Variants in VEZT observed in about 807,000 individuals in gnomAD.
VEZT encodes the protein vezatin, adherens junctions transmembrane protein.
Under a neutral mutation model 79.9 loss-of-function variants are expected in VEZT, and 39 were observed. The observed-to-expected ratio is 0.49, with a 90% CI of 0.38 to 0.64. The LOEUF is 0.64. Ranked by LOEUF, VEZT falls within the 30% of genes least tolerant of loss-of-function variation. VEZT has a pLI of 0.00. For missense variants in VEZT, 837 were observed against 893.1 expected (o/e 0.94, Z 0.80); for synonymous variants, 325 against 327.6 (o/e 0.99, Z 0.09).
intron 1 of VEZT, among the ~76,000 whole-genome samples, chr12:95,246,687 G>A (rs1438678482): frequency 2.6e-5 from 4 of 152,152 alleles, no homozygotes; most frequent in African/African-American, 9.7e-5. Flanking sequence ...AAAACTTACA[G>A]GAATAGTGAA....
chr12:95,284,207 A>G (rs965510256), intron 8 of VEZT, among the ~76,000 whole-genome samples: 3 of 152,348 alleles, frequency 2.0e-5, no homozygotes, highest in African/African-American at 4.8e-5. Flanking sequence ...TATTTTCACT[A>G]GAAAGTACAC....
At chr12:95,261,081 T>G (rs2138319127) in intron 3 of VEZT, among the ~76,000 whole-genome samples, 1 of 151,426 alleles carries the variant, frequency 6.6e-6, no homozygotes, top group Non-Finnish European at 1.5e-5. Context: ...CTTTTTGGAC[T>G]GAAGATAAAT....
intron 7 of VEZT, 33 bp from the exon 8 acceptor site, chr12:95,282,280 A>G: frequency 6.7e-7 from 1 of 1,494,024 alleles, no homozygotes; most frequent in Non-Finnish European, 9.0e-7. Context: ...CAATATTTTT[A>G]TTGATCTAGT....
intron 2 of VEZT, among the ~76,000 whole-genome samples, chr12:95,254,180 A>C (rs549529099): frequency 4.6e-4 from 70 of 151,682 alleles, no homozygotes; most frequent in Non-Finnish European, 9.3e-4. Context: ...AGATTTAAAA[A>C]TTACCACTCA....
chr12:95,218,790 C>A (rs1476744231), intron 1 of VEZT, among the ~76,000 whole-genome samples: 1 of 152,158 alleles, frequency 6.6e-6, no homozygotes, highest in Non-Finnish European at 1.5e-5. Context: ...TCTGTTCTTG[C>A]GGCCTCCCAG....
rs2075128698 is a variant in VEZT at position 95,300,794 on chromosome 12, A to G, written c.*121A>G. On this transcript the variant is annotated 3_prime_UTR_variant, in exon 12 of 12. Transcript: ENST00000436874. Reference sequence around the variant, plus strand: ...ATATAAAGCTAAGATGTGGATTTACAGGAAGAACCCTGGTTTGAATAACTG... The same window carrying G: ...ATATAAAGCTAAGATGTGGATTTACGGGAAGAACCCTGGTTTGAATAACTG... 10 of 1,316,628 alleles carry G rather than the reference A, an allele frequency of 7.6e-6. No homozygotes were observed. The highest frequency in any genetic ancestry group is 9.8e-6 in the Non-Finnish European group (10 of 1,018,330). 81.6% of individuals were successfully genotyped at this position (1,316,628 alleles called of 1,614,324 possible).
At chr12:95,235,023 A>ACAGAACAAAATGAAAAGTCTCC (rs2059832194) in intron 1 of VEZT, among the ~76,000 whole-genome samples, 1 of 151,836 alleles carries the variant, frequency 6.6e-6, no homozygotes, top group Non-Finnish European at 1.5e-5. Context: ...TTTTCTTAGT[A>ACAGAACAAAATGAAAAGTCTCC]CAGAACAAAA....
At position 95,300,227 on chromosome 12, in the gene VEZT, A is replaced by G. The variant is rs560685926; in HGVS notation, c.1894A>G (p.Met632Val). 3.8e-5 allele frequency: 60 copies of G among 1,564,742 alleles called. No homozygotes were observed. Among genetic ancestry groups the G allele is most frequent in the Admixed American group, 1.5e-4 (8 of 52,098 alleles). The change falls in exon 12 of 12, where the codon ATG becomes GTG. Residue 632 changes from methionine (M) to valine (V), a missense_variant. Transcript: ENST00000436874. ...VEPISNSEPS[M>V]NSDMGKVSKN... Reference sequence around the variant, plus strand: ...ACCCATAAGTAATTCAGAACCATCAATGAATTCAGATATGGGAAAAGTCAG... The same window carrying G: ...ACCCATAAGTAATTCAGAACCATCAGTGAATTCAGATATGGGAAAAGTCAG...
chr12:95,284,956 G>C (rs1415512789), intron 8 of VEZT, among the ~76,000 whole-genome samples: 1 of 151,898 alleles, frequency 6.6e-6, no homozygotes, highest in Admixed American at 6.6e-5. Context: ...CATGGTGGCA[G>C]GCGCCTGTAG....
chr12:95,284,673 A>G (rs2070139151), intron 8 of VEZT, among the ~76,000 whole-genome samples: 1 of 152,090 alleles, frequency 6.6e-6, no homozygotes, highest in Admixed American at 6.5e-5. Flanking sequence ...TGGTCCTTCT[A>G]TAAGTTGGTG....
intron 2 of VEZT, among the ~76,000 whole-genome samples, chr12:95,252,978 AT>A (rs1235707118): frequency 5.3e-5 from 8 of 152,072 alleles, no homozygotes; most frequent in Non-Finnish European, 1.2e-4. Flanking sequence ...AGAAAAAAAA[AT>A]AAATTTACTC....
intron 2 of VEZT, chr12:95,256,677 AGT>A: frequency 1.0e-6 from 1 of 988,092 alleles, no homozygotes; most frequent in Non-Finnish European, 1.4e-6. Flanking sequence ...AATATATGAC[AGT>A]TTTTCTAAAA....
At chr12:95,218,536 A>G (rs1351071526) in intron 1 of VEZT, 1 of 152,178 alleles carries the variant, frequency 6.6e-6, no homozygotes, top group Non-Finnish European at 1.5e-5. Flanking sequence ...GTTCTCTGCC[A>G]TCTTGAATGA....
intron 6 of VEZT, among the ~76,000 whole-genome samples, chr12:95,271,640 G>A (rs969737657): frequency 6.6e-6 from 1 of 152,186 alleles, no homozygotes. Flanking sequence ...TATTTATGGA[G>A]CACAGACTGC....
chr12:95,244,080 CTCTT>C (rs149108410), intron 1 of VEZT: 60,933 of 418,338 alleles, frequency 0.15, 4,554 homozygotes, highest in African/African-American at 0.18. Flanking sequence ...AGACTAAAAA[CTCTT>C]TTTTTTTTTT....
chr12:95,239,191 A>C (rs560501713), intron 1 of VEZT, among the ~76,000 whole-genome samples: 1 of 152,310 alleles, frequency 6.6e-6, no homozygotes, highest in Admixed American at 6.5e-5. Context: ...GTATTTTTTA[A>C]ATTTTTAGTA....
intron 3 of VEZT, among the ~76,000 whole-genome samples, chr12:95,258,726 TG>T (rs1253250781): frequency 6.6e-6 from 1 of 152,192 alleles, no homozygotes; most frequent in Non-Finnish European, 1.5e-5. Flanking sequence ...GTAGTGGTAA[TG>T]GCACTTTTTA....
chr12:95,286,048 A>G (rs1054350020), intron 8 of VEZT, among the ~76,000 whole-genome samples: 3 of 127,820 alleles, frequency 2.3e-5, no homozygotes, highest in African/African-American at 8.7e-5. Context: ...GCTGGAGTGC[A>G]GTGGCATGAT....
chr12:95,291,981 G>A (rs888357473), intron 9 of VEZT, among the ~76,000 whole-genome samples: 5 of 152,038 alleles, frequency 3.3e-5, no homozygotes, highest in African/African-American at 9.7e-5. Flanking sequence ...GTGTTTTTTG[G>A]TAGAGATGGG....
Sources: gnomAD v4.1 joint callset for allele counts (sites outside exome capture counted in the v4.1 genomes callset) on GRCh38, gnomAD v4.1.1 for gene constraint, MANE v1.5 for transcripts, NCBI Gene and HGNC (gene_info 2026-07-23, HGNC 2026-07-21) for gene names.